COL5A2: variants seen among roughly 807,000 people sequenced by gnomAD.
The protein encoded by COL5A2 is collagen type V alpha 2 chain, also known as collagen alpha-2(V) chain.
A neutral mutation model predicts 208.2 loss-of-function variants in COL5A2; 23 were observed. That is an observed-to-expected ratio of 0.11 (90% CI 0.08 to 0.16). COL5A2 has a LOEUF of 0.16. Among genes scored for constraint, COL5A2 ranks in the 10% least tolerant of loss-of-function variants. The pLI, the probability that COL5A2 is intolerant of heterozygous loss-of-function variation, is 1.00. For missense variants in COL5A2, 1,590 were observed against 1,956.4 expected, an observed-to-expected ratio of 0.81 and a Z score of 3.53; for synonymous variants, 625 against 628.5, an observed-to-expected ratio of 0.99 and a Z score of 0.08.
At chr2:189,060,631 A>T in intron 31 of COL5A2, 99 bp downstream of exon 31, 1 of 987,664 alleles carries the variant, frequency 1.0e-6, no homozygotes, top group Admixed American at 1.8e-5. Context: ...TCAAAGAGAT[A>T]ATGTATGTAA....
At chr2:189,432,908 T>A in the COL5A2 span, among the ~76,000 whole-genome samples, 2 of 152,238 alleles carry the variant, frequency 1.3e-5, no homozygotes, top group African/African-American at 4.8e-5. Flanking sequence ...GCCCTCATTC[T>A]AAAATTGACC....
At chr2:189,097,552 T>C in intron 5 of COL5A2, 1 of 677,528 alleles carries the variant, frequency 1.5e-6, no homozygotes, top group Admixed American at 2.1e-5. Context: ...AAGAACTAGG[T>C]GCACATTATG....
chr2:189,433,016 G>C, the COL5A2 span, among the ~76,000 whole-genome samples: 1 of 152,132 alleles, frequency 6.6e-6, no homozygotes, highest in Non-Finnish European at 1.5e-5. Flanking sequence ...TAGAACTCAG[G>C]ATTAAGAAAC....
intron 30 of COL5A2, 45 bp downstream of exon 30, chr2:189,061,516 AT>A (rs780836538): frequency 4.3e-6 from 6 of 1,380,848 alleles, no homozygotes; most frequent in Non-Finnish European, 6.2e-6. Context: ...AAAAAAAAGC[AT>A]TTTAGTTAAT....
At chr2:189,250,892 T>A in the COL5A2 span, among the ~76,000 whole-genome samples, 1 of 152,066 alleles carries the variant, frequency 6.6e-6, no homozygotes, top group Non-Finnish European at 1.5e-5. Context: ...CTAAAATGGG[T>A]CCAAATCAAT....
At chr2:189,265,573 C>T in the COL5A2 span, among the ~76,000 whole-genome samples, 7 of 152,154 alleles carry the variant, frequency 4.6e-5, no homozygotes, top group Non-Finnish European at 8.8e-5. Context: ...CTTCAAAGAC[C>T]TTGTTTCCAA....
the COL5A2 span, among the ~76,000 whole-genome samples, chr2:189,374,037 A>T: frequency 6.6e-6 from 1 of 152,180 alleles, no homozygotes; most frequent in African/African-American, 2.4e-5. Flanking sequence ...TCCATTTTTG[A>T]AGGAAAAAAT....
At chr2:189,245,479 A>C in the COL5A2 span, among the ~76,000 whole-genome samples, 1 of 123,044 alleles carries the variant, frequency 8.1e-6, no homozygotes, top group Admixed American at 1.1e-4. Flanking sequence ...AGGTATACTC[A>C]AAATTTTTTT....
the COL5A2 span, among the ~76,000 whole-genome samples, chr2:189,389,168 T>C: frequency 6.6e-6 from 1 of 152,170 alleles, no homozygotes; most frequent in Non-Finnish European, 1.5e-5. Flanking sequence ...TTTAACACTC[T>C]ATATAAAGTA....
At chr2:189,236,144 A>G in the COL5A2 span, among the ~76,000 whole-genome samples, 13 of 151,824 alleles carry the variant, frequency 8.6e-5, 1 homozygote, top group South Asian at 8.3e-4. Context: ...GGGAACTTGC[A>G]CCATGTTTCC....
the COL5A2 span, among the ~76,000 whole-genome samples, chr2:189,377,648 T>G: frequency 2.0e-5 from 3 of 152,106 alleles, no homozygotes; most frequent in Admixed American, 2.0e-4. Flanking sequence ...TATCAAATGG[T>G]TTTTACTTTT....
chr2:189,059,516 A>T (rs2105580762), intron 31 of COL5A2, among the ~76,000 whole-genome samples: 1 of 146,642 alleles, frequency 6.8e-6, no homozygotes, highest in Non-Finnish European at 1.5e-5. Flanking sequence ...GACTGTCCTC[A>T]CTGTGGCCTG....
At chr2:189,084,133 C>T (rs2105646063) in intron 11 of COL5A2, 96 bp from the exon 12 acceptor site, 3 of 872,650 alleles carry the variant, frequency 3.4e-6, no homozygotes, top group Non-Finnish European at 3.8e-6. Context: ...ATAAAACAGT[C>T]TTCTTTAGAA....
the COL5A2 span, among the ~76,000 whole-genome samples, chr2:189,345,376 T>G: frequency 4.6e-5 from 7 of 152,210 alleles, no homozygotes; most frequent in Admixed American, 2.6e-4. Context: ...GCTGAAGATA[T>G]GGATTTAGGA....
the COL5A2 span, chr2:189,311,285 T>C: frequency 1.3e-5 from 18 of 1,414,898 alleles, no homozygotes; most frequent in Admixed American, 1.5e-4. Flanking sequence ...TTTGGTGTCA[T>C]TGGTCTCAGA....
At chr2:189,303,746 A>C in the COL5A2 span, among the ~76,000 whole-genome samples, 1 of 152,166 alleles carries the variant, frequency 6.6e-6, no homozygotes, top group Non-Finnish European at 1.5e-5. Context: ...TGTTCAAATA[A>C]GGCAAACGCG....
the COL5A2 span, among the ~76,000 whole-genome samples, chr2:189,319,236 G>C: frequency 6.6e-6 from 1 of 152,050 alleles, no homozygotes; most frequent in Non-Finnish European, 1.5e-5. Flanking sequence ...CTCCCAGCGT[G>C]AGCGGCGCAG....
At chr2:189,290,526 A>C in the COL5A2 span, among the ~76,000 whole-genome samples, 1 of 152,176 alleles carries the variant, frequency 6.6e-6, no homozygotes, top group Non-Finnish European at 1.5e-5. Flanking sequence ...GGGTTTTGTG[A>C]CTTAGAGATA....
intron 17 of COL5A2, among the ~76,000 whole-genome samples, chr2:189,074,634 C>T (rs1686356137): frequency 6.6e-6 from 1 of 152,196 alleles, no homozygotes; most frequent in Non-Finnish European, 1.5e-5. Flanking sequence ...CCATTCTAAA[C>T]TCAAACCCAC....
Sources: gnomAD v4.1 joint callset for allele counts (sites outside exome capture counted in the v4.1 genomes callset) on GRCh38, gnomAD v4.1.1 for gene constraint, MANE v1.5 for transcripts, NCBI Gene and HGNC (gene_info 2026-07-23, HGNC 2026-07-21) for gene names.